PALS2: variants seen among roughly 807,000 people sequenced by gnomAD.
PALS2 encodes the protein protein associated with LIN7 2, MAGUK p55 family member.
PALS2 carries 27 observed loss-of-function variants against 61.6 expected under a neutral mutation model. The ratio of observed to expected loss-of-function variants is 0.44; its 90% CI spans 0.32 to 0.60. The LOEUF (loss-of-function observed/expected upper bound fraction) is 0.60, where lower values mean the gene tolerates loss of function less well. PALS2 is among the 20% of genes least tolerant of loss of function. The pLI is 0.05. For missense variants in PALS2, 554 were observed against 639.4 expected, an observed-to-expected ratio of 0.87 and a Z score of 1.44; for synonymous variants, 236 against 218.6, an observed-to-expected ratio of 1.08 and a Z score of -0.70.
At chr7:24,575,182 A>C (rs1782598970) in intron 1 of PALS2, among the ~76,000 whole-genome samples, 1 of 152,156 alleles carries the variant, frequency 6.6e-6, no homozygotes, top group South Asian at 2.1e-4. Context: ...TCCTATGGAG[A>C]CTGCACACCA....
intron 6 of PALS2, among the ~76,000 whole-genome samples, chr7:24,664,221 T>G (rs1019057686): frequency 3.3e-5 from 5 of 152,128 alleles, no homozygotes; most frequent in African/African-American, 1.2e-4. Context: ...ACTCTATCAG[T>G]TTTGTTTGGT....
intron 1 of PALS2, among the ~76,000 whole-genome samples, chr7:24,603,010 CTG>C (rs1443336904): frequency 6.6e-6 from 1 of 152,150 alleles, no homozygotes; most frequent in East Asian, 1.9e-4. Context: ...CCATGTGGAA[CTG>C]TGAGTCAATT....
intron 8 of PALS2, among the ~76,000 whole-genome samples, chr7:24,667,810 G>A (rs1011331048): frequency 4.0e-5 from 6 of 151,670 alleles, no homozygotes; most frequent in South Asian, 2.1e-4. Flanking sequence ...GACTACAGGC[G>A]CACACCACCA....
At chr7:24,575,440 G>C (rs561817744) in intron 1 of PALS2, among the ~76,000 whole-genome samples, 1 of 151,996 alleles carries the variant, frequency 6.6e-6, no homozygotes, top group Admixed American at 6.5e-5. Flanking sequence ...TCTCATTTTA[G>C]GCTGAAATTG....
Position 24,690,503 on chromosome 7 carries a change from G to A in PALS2, c.*2889G>A, listed in dbSNP as rs181716963. On this transcript the variant is annotated 3_prime_UTR_variant, in exon 12 of 12. Transcript: ENST00000222644. The stretch of plus-strand genomic sequence containing the variant: ...CTGAGGGCTCCTTGTGGATAGGTCA[G>A]TGTCCACATTTCAGCACTCAGGGCA... 1 of 152,310 alleles carries A rather than the reference G, an allele frequency of 6.6e-6. No individual in the cohort carries two copies. Among genetic ancestry groups the A allele is most frequent in the East Asian group, 1.9e-4 (1 of 5,190 alleles). 9.4% of individuals were successfully genotyped at this position (152,310 alleles called of 1,614,324 possible). A position where few individuals can be genotyped will look rare whatever the true frequency, so the allele number is the denominator to read the frequency against.
At chr7:24,602,416 T>C (rs988893638) in intron 1 of PALS2, among the ~76,000 whole-genome samples, 4 of 152,202 alleles carry the variant, frequency 2.6e-5, no homozygotes, top group Admixed American at 6.5e-5. Flanking sequence ...GATGCTCTGA[T>C]TTCATGTTGA....
chr7:24,666,834 G>T (rs1326138519), intron 8 of PALS2: 5 of 152,128 alleles, frequency 3.3e-5, no homozygotes, highest in Admixed American at 3.3e-4. Flanking sequence ...AGAAGGGAAA[G>T]AATGGAAACT....
intron 2 of PALS2, among the ~76,000 whole-genome samples, chr7:24,627,947 G>C (rs959755590): frequency 6.6e-6 from 1 of 152,066 alleles, no homozygotes; most frequent in Non-Finnish European, 1.5e-5. Flanking sequence ...ATACAAACAG[G>C]AGCTGGTACC....
At chr7:24,621,404 A>C (rs1385970983) in intron 1 of PALS2, among the ~76,000 whole-genome samples, 1 of 152,098 alleles carries the variant, frequency 6.6e-6, no homozygotes, top group African/African-American at 2.4e-5. Flanking sequence ...AAAATGTGAG[A>C]AGCTTGTTGG....
chr7:24,666,681 A>C (rs1787034751), intron 8 of PALS2, among the ~76,000 whole-genome samples: 1 of 152,204 alleles, frequency 6.6e-6, no homozygotes, highest in Non-Finnish European at 1.5e-5. Context: ...ATTCATGAAA[A>C]CATCAAGTTG....
chr7:24,626,677 AG>A (rs1224442385), intron 2 of PALS2, among the ~76,000 whole-genome samples: 2 of 152,162 alleles, frequency 1.3e-5, no homozygotes, highest in Non-Finnish European at 2.9e-5. Context: ...AAATGGATGG[AG>A]GCAGATTTAC....
intron 1 of PALS2, among the ~76,000 whole-genome samples, chr7:24,606,351 C>T (rs549988653): frequency 9.2e-5 from 14 of 152,114 alleles, no homozygotes; most frequent in African/African-American, 3.4e-4. Flanking sequence ...AATTTGTCTT[C>T]CACAGTTCTT....
intron 9 of PALS2, among the ~76,000 whole-genome samples, chr7:24,676,864 C>T (rs1313605056): frequency 2.0e-5 from 3 of 150,950 alleles, no homozygotes; most frequent in Non-Finnish European, 2.9e-5. Context: ...TGCAGGCTCT[C>T]TTTTGGTTCC....
At chr7:24,610,999 G>A (rs1784091536) in intron 1 of PALS2, among the ~76,000 whole-genome samples, 1 of 152,040 alleles carries the variant, frequency 6.6e-6, no homozygotes, top group South Asian at 2.1e-4. Context: ...AATTCAGTTT[G>A]TTGAATTAAA....
chr7:24,647,400 C>T lies in PALS2; in HGVS notation c.271-2212C>T, dbSNP rs534251995. On this transcript the variant is annotated intron_variant, in intron 3 of 11. Transcript: ENST00000222644. ...CTGACCTCAGGTGATCTGCCCACCT[C>T]GGCCTCCCAAAGTGCTGGGATTACA... is the stretch of plus-strand genomic sequence containing the variant. 2.4e-4 allele frequency among the ~76,000 whole-genome samples: 37 copies of T among 152,290 alleles called. 1 individual carries two copies. The highest frequency in any genetic ancestry group is 8.7e-4 in the African/African-American group (36 of 41,546).
intron 1 of PALS2, among the ~76,000 whole-genome samples, chr7:24,587,030 A>AT (rs56074140): frequency 0.074 from 9,934 of 134,790 alleles, 392 homozygotes; most frequent in African/African-American, 0.11. Context: ...TGTTTAAAGG[A>AT]TTTTTTTTTT....
At chr7:24,593,904 T>G (rs1203926570) in intron 1 of PALS2, among the ~76,000 whole-genome samples, 1 of 152,134 alleles carries the variant, frequency 6.6e-6, no homozygotes. Context: ...TGCCTCTAAC[T>G]AAAGAGTCAG....
At chr7:24,656,057 A>G (rs962340349) in intron 5 of PALS2, among the ~76,000 whole-genome samples, 1 of 152,204 alleles carries the variant, frequency 6.6e-6, no homozygotes, top group Admixed American at 6.5e-5. Flanking sequence ...TTCCTTGATC[A>G]TCTCAGCTAG....
intron 1 of PALS2, among the ~76,000 whole-genome samples, chr7:24,578,983 AAAAT>A (rs1450792148): frequency 3.3e-5 from 5 of 152,362 alleles, no homozygotes; most frequent in African/African-American, 4.8e-5. Context: ...AAAAGGAAGT[AAAAT>A]AAAAATAGCA....
Sources: allele counts gnomAD v4.1 joint callset (sites outside exome capture counted in the v4.1 genomes callset), GRCh38; gene constraint gnomAD v4.1.1; transcripts MANE v1.5; gene names NCBI Gene and HGNC (gene_info 2026-07-23, HGNC 2026-07-21).